SNTG2: variants seen among roughly 807,000 people sequenced by gnomAD.
The protein encoded by SNTG2 is syntrophin gamma 2.
In SNTG2, 74 loss-of-function variants were observed where a neutral mutation model predicts 70.9. That is an observed-to-expected ratio of 1.04 (90% CI 0.86 to 1.27). The LOEUF (loss-of-function observed/expected upper bound fraction) is 1.27, where lower values mean the gene tolerates loss of function less well. Among genes scored for constraint, SNTG2 ranks in the 50% most tolerant of loss-of-function variants. SNTG2 has a pLI of 0.00. For missense variants in SNTG2, 717 were observed against 690.7 expected, an observed-to-expected ratio of 1.04 and a Z score of -0.43; for synonymous variants, 278 against 273.8, an observed-to-expected ratio of 1.02 and a Z score of -0.15.
At chr2:1,358,908 C>G (rs986862158) in intron 16 of SNTG2, among the ~76,000 whole-genome samples, 43 of 152,184 alleles carry the variant, frequency 2.8e-4, no homozygotes, top group Non-Finnish European at 1.2e-4. Flanking sequence ...TCTGGTTGAT[C>G]TAAGACTTAT....
chr2:1,273,315 G>A (rs1399074003), intron 14 of SNTG2, among the ~76,000 whole-genome samples: 1 of 151,990 alleles, frequency 6.6e-6, no homozygotes, highest in Non-Finnish European at 1.5e-5. Context: ...AAATTTTTCT[G>A]ATAATTTCTC....
intron 6 of SNTG2, among the ~76,000 whole-genome samples, chr2:1,150,396 G>T (rs1669399444): frequency 6.6e-6 from 1 of 152,138 alleles, no homozygotes; most frequent in African/African-American, 2.4e-5. Context: ...CATAAAGCTG[G>T]CTTTCCCTGC....
At chr2:1,229,315 T>TAC (rs587655172) in intron 9 of SNTG2, among the ~76,000 whole-genome samples, 152,005 of 152,268 alleles carry the variant, frequency 1, 75,871 homozygotes, top group Middle Eastern at 1. Context: ...TCAGGTTAGA[T>TAC]AGAGTATTGA....
intron 16 of SNTG2, among the ~76,000 whole-genome samples, chr2:1,322,159 CT>C (rs944760725): frequency 1.3e-5 from 2 of 152,152 alleles, no homozygotes; most frequent in African/African-American, 2.4e-5. Flanking sequence ...TGAATCAAAT[CT>C]TTTTTCTAAG....
chr2:1,169,874 A>T (rs1185698713), intron 7 of SNTG2, among the ~76,000 whole-genome samples: 1 of 152,174 alleles, frequency 6.6e-6, no homozygotes, highest in Non-Finnish European at 1.5e-5. Context: ...ATAAGTGTCT[A>T]TTCTCCTTTT....
At chr2:1,103,599 G>A (rs1401494371) in intron 4 of SNTG2, among the ~76,000 whole-genome samples, 2 of 151,972 alleles carry the variant, frequency 1.3e-5, no homozygotes, top group Non-Finnish European at 2.9e-5. Context: ...CATGTTGGCC[G>A]GGATCATCTC....
chr2:990,671 A>G (rs116169023), intron 1 of SNTG2, among the ~76,000 whole-genome samples: 3,741 of 152,288 alleles, frequency 0.025, 80 homozygotes, highest in Non-Finnish European at 0.036. Context: ...TTAATTATAA[A>G]TTGTGAGCAT....
At chr2:1,181,932 T>C (rs1303105155) in intron 8 of SNTG2, among the ~76,000 whole-genome samples, 3 of 152,208 alleles carry the variant, frequency 2.0e-5, no homozygotes, top group Non-Finnish European at 4.4e-5. Flanking sequence ...CTCACATTAA[T>C]ATCATGCGTT....
chr2:994,586 G>A (rs191099894), intron 1 of SNTG2, among the ~76,000 whole-genome samples: 1 of 152,000 alleles, frequency 6.6e-6, no homozygotes, highest in Admixed American at 6.6e-5. Context: ...CTGGGATTTT[G>A]ATAGACATTG....
chr2:1,251,670 C>CCA (rs1248295238), intron 12 of SNTG2, among the ~76,000 whole-genome samples: 9 of 149,070 alleles, frequency 6.0e-5, no homozygotes, highest in African/African-American at 2.2e-4. Context: ...CATGCACACA[C>CCA]CACACACACA....
intron 4 of SNTG2, among the ~76,000 whole-genome samples, chr2:1,120,962 A>G (rs4971463): frequency 0.51 from 76,663 of 151,584 alleles, 19,559 homozygotes; most frequent in East Asian, 0.58. Flanking sequence ...ACATTTTTCT[A>G]TAGCACACAT....
At chr2:955,629 T>C (rs1223287496) in intron 1 of SNTG2, among the ~76,000 whole-genome samples, 1 of 152,218 alleles carries the variant, frequency 6.6e-6, no homozygotes, top group Non-Finnish European at 1.5e-5. Flanking sequence ...TAGTTGCAGA[T>C]GTTTTATTGT....
chr2:966,673 G>A (rs1437231282), intron 1 of SNTG2, among the ~76,000 whole-genome samples: 2 of 152,176 alleles, frequency 1.3e-5, no homozygotes, highest in East Asian at 1.9e-4. Context: ...TTGGCCGGGC[G>A]CGGTGGCTCA....
At chr2:1,298,343 A>G (rs1382771085) in intron 14 of SNTG2, among the ~76,000 whole-genome samples, 2 of 152,242 alleles carry the variant, frequency 1.3e-5, no homozygotes, top group South Asian at 2.1e-4. Flanking sequence ...CATGTTGCCC[A>G]GACTGGTCTC....
At chr2:1,175,779 G>C (rs985477618) in intron 8 of SNTG2, among the ~76,000 whole-genome samples, 1 of 152,198 alleles carries the variant, frequency 6.6e-6, no homozygotes, top group Non-Finnish European at 1.5e-5. Context: ...TGTGGCTGTA[G>C]CTTGTTGAGT....
chr2:1,134,514 A>G (rs28865577), intron 4 of SNTG2, among the ~76,000 whole-genome samples: 54,205 of 151,264 alleles, frequency 0.36, 11,627 homozygotes, highest in Non-Finnish European at 0.49. Context: ...TGGTGCATTC[A>G]CAAACCCTGA....
At chr2:1,044,946 C>G (rs990685048) in intron 1 of SNTG2, among the ~76,000 whole-genome samples, 3 of 152,046 alleles carry the variant, frequency 2.0e-5, no homozygotes, top group African/African-American at 7.2e-5. Context: ...GGAATAGTTT[C>G]CGTAGCGTTG....
chr2:1,042,348 TTTC>T (rs1261419457), intron 1 of SNTG2, among the ~76,000 whole-genome samples: 1 of 152,204 alleles, frequency 6.6e-6, no homozygotes, highest in African/African-American at 2.4e-5. Flanking sequence ...TTAACTAGTA[TTTC>T]TTTAATGATT....
At chr2:1,172,020 A>C (rs1671160143) in intron 7 of SNTG2, among the ~76,000 whole-genome samples, 1 of 152,172 alleles carries the variant, frequency 6.6e-6, no homozygotes. Flanking sequence ...AGGGCATCCC[A>C]AATACAAATG....
Sources: gnomAD v4.1 joint callset for allele counts (sites outside exome capture counted in the v4.1 genomes callset) on GRCh38, gnomAD v4.1.1 for gene constraint, MANE v1.5 for transcripts, NCBI Gene and HGNC (gene_info 2026-07-23, HGNC 2026-07-21) for gene names.